The following YAE1 variants were observed in gnomAD, a reference collection of about 807,000 sequenced individuals.
YAE1 encodes the protein YAE1 maturation factor of ABCE1.
A neutral mutation model predicts 23.0 loss-of-function variants in YAE1; 22 were observed. The observed-to-expected ratio is 0.96, with a 90% CI of 0.68 to 1.37. The LOEUF is 1.37. Ranked by LOEUF, YAE1 falls within the 40% of genes most tolerant of loss-of-function variation. The probability of loss-of-function intolerance (pLI) is 0.00; values close to 1 mark genes in which losing one functional copy is unlikely to be tolerated. For missense variants in YAE1, 260 were observed against 262.1 expected (o/e 0.99, Z 0.06); for synonymous variants, 101 against 97.0 (o/e 1.04, Z -0.24).
chr7:39,608,125 T>A (rs1583687612), intron 2 of YAE1, among the ~76,000 whole-genome samples: 1 of 152,218 alleles, frequency 6.6e-6, no homozygotes, highest in African/African-American at 2.4e-5. Context: ...AGGAAACTAC[T>A]GAATAACCCT....
At chr7:39,589,809 C>T (rs897209933) in intron 2 of YAE1, among the ~76,000 whole-genome samples, 4 of 152,152 alleles carry the variant, frequency 2.6e-5, no homozygotes, top group Non-Finnish European at 5.9e-5. Context: ...TGCAGCAAGA[C>T]CAAAGGAGCT....
chr7:39,574,773 T>G (rs868106510), downstream of YAE1, among the ~76,000 whole-genome samples: 35 of 150,530 alleles, frequency 2.3e-4, no homozygotes, highest in Admixed American at 1.2e-3. Flanking sequence ...GCCATGGTGT[T>G]AAGTCCCTGT....
At chr7:39,569,117 TAAACAA>T (rs1296453204) in intron 1 of YAE1, among the ~76,000 whole-genome samples, 2 of 152,212 alleles carry the variant, frequency 1.3e-5, no homozygotes, top group Non-Finnish European at 2.9e-5. Flanking sequence ...AGGTTATTAT[TAAACAA>T]ATATACATAA....
At chr7:39,600,201 AC>A (rs1471204308) in intron 2 of YAE1, among the ~76,000 whole-genome samples, 1 of 152,134 alleles carries the variant, frequency 6.6e-6, no homozygotes, top group African/African-American at 2.4e-5. Flanking sequence ...ATAAAACATA[AC>A]TTTGATTATA....
chr7:39,575,898 A>G (rs1428370367), downstream of YAE1, among the ~76,000 whole-genome samples: 1 of 152,138 alleles, frequency 6.6e-6, no homozygotes, highest in African/African-American at 2.4e-5. Context: ...TGAACAATTC[A>G]CTGCTTATAC....
At chr7:39,594,586 C>T (rs943943453) in intron 2 of YAE1, among the ~76,000 whole-genome samples, 1 of 151,474 alleles carries the variant, frequency 6.6e-6, no homozygotes, top group Non-Finnish European at 1.5e-5. Flanking sequence ...GCTACTCTCC[C>T]ATTAATGGAA....
chr7:39,598,671 T>C (rs368576549), intron 2 of YAE1, among the ~76,000 whole-genome samples: 2 of 150,260 alleles, frequency 1.3e-5, no homozygotes, highest in East Asian at 4.0e-4. Flanking sequence ...CAGCTACTTG[T>C]GGGGCTAAGG....
intron 1 of YAE1, chr7:39,569,843 A>T (rs73375667): frequency 0.1 from 85,895 of 832,270 alleles, 5,617 homozygotes; most frequent in African/African-American, 0.25. Flanking sequence ...AGTCCTTCTG[A>T]GTCCTTGGAC....
intron 2 of YAE1, among the ~76,000 whole-genome samples, chr7:39,605,390 G>T (rs1212716266): frequency 2.0e-5 from 3 of 152,224 alleles, no homozygotes; most frequent in Non-Finnish European, 2.9e-5. Context: ...ATTGAATAAA[G>T]CAAGTTGTCC....
intron 2 of YAE1, among the ~76,000 whole-genome samples, chr7:39,600,317 A>G (rs1791037271): frequency 6.6e-6 from 1 of 152,214 alleles, no homozygotes; most frequent in Non-Finnish European, 1.5e-5. Flanking sequence ...TGATATAATT[A>G]AGGTAAGGTC....
downstream of YAE1, among the ~76,000 whole-genome samples, chr7:39,574,641 A>G (rs1385290986): frequency 6.6e-6 from 1 of 151,412 alleles, no homozygotes; most frequent in Non-Finnish European, 1.5e-5. Context: ...GCTGAGGCAC[A>G]AGGATTGCTT....
In YAE1 at chr7:39,570,548, C is replaced by T. The variant is rs778649924; in HGVS notation, c.172C>T (p.Leu58Phe). 1 of 1,611,778 alleles carries T rather than the reference C, an allele frequency of 6.2e-7. No homozygotes were observed. Among genetic ancestry groups the T allele is most frequent in the Non-Finnish European group, 8.5e-7 (1 of 1,179,604 alleles). The change falls in exon 2 of 3, where the codon CTT becomes TTT. Residue 58 changes from leucine to phenylalanine, a missense_variant. Leu to Phe is a conservative substitution (Grantham distance 22, BLOSUM62 0). Transcript: ENST00000223273. ...DGIDAGKAVTLQQGFNQGYKK... is the reference protein window; with the variant it reads ...DGIDAGKAVTFQQGFNQGYKK... The stretch of plus-strand genomic sequence containing the variant: ...AATAGATGCTGGCAAAGCAGTTACT[C>T]TTCAACAGGGCTTCAATCAAGGTTA...
At chr7:39,609,761 G>T (rs1291204027) in exon 3 of YAE1, 1 of 1,534,784 alleles carries the variant, frequency 6.5e-7, no homozygotes, top group African/African-American at 1.4e-5. Flanking sequence ...AGCTCGAGGC[G>T]ACGCTGCTGA....
Position 39,586,419 on chromosome 7 carries a change from G to A in YAE1, c.251+15792G>A, listed in dbSNP as rs373257060. Among the ~76,000 whole-genome samples, 20 of 149,028 alleles carry A rather than the reference G, an allele frequency of 1.3e-4. No individual in the cohort carries two copies. In the East Asian group the frequency reaches 4.1e-3, roughly 30 times the overall value. On this transcript the variant is annotated intron_variant, in intron 2 of 2. Coordinates refer to the YAE1 transcript ENST00000432096. ...AATCTCCTGACCTGGTGATCCGCCC[G>A]CCTCAGCCTCCCAAAGTGCTGGGAT...
At chr7:39,600,009 A>T (rs1049699071) in intron 2 of YAE1, among the ~76,000 whole-genome samples, 1 of 152,234 alleles carries the variant, frequency 6.6e-6, no homozygotes, top group Non-Finnish European at 1.5e-5. Context: ...TTAAACATTG[A>T]TAGTCCCCTT....
At chr7:39,597,512 A>T (rs1167816910) in intron 2 of YAE1, among the ~76,000 whole-genome samples, 1 of 152,238 alleles carries the variant, frequency 6.6e-6, no homozygotes, top group Admixed American at 6.5e-5. Context: ...CGCTGGTCTC[A>T]GTTATTACAT....
chr7:39,588,821 G>T (rs149650700), intron 2 of YAE1, among the ~76,000 whole-genome samples: 1 of 149,608 alleles, frequency 6.7e-6, no homozygotes, highest in Non-Finnish European at 1.5e-5. Context: ...ATAATTTTAG[G>T]TTTTTTTTTT....
At chr7:39,593,177 C>CTTTTGTTTTTTT (rs1790925063) in intron 2 of YAE1, among the ~76,000 whole-genome samples, 1 of 72,112 alleles carries the variant, frequency 1.4e-5, no homozygotes, top group Non-Finnish European at 2.3e-5. Context: ...TTGGTTATTT[C>CTTTTGTTTTTTT]TTTTTTTTTT....
downstream of YAE1, among the ~76,000 whole-genome samples, chr7:39,575,499 GC>G (rs1484087985): frequency 6.6e-6 from 1 of 150,702 alleles, no homozygotes; most frequent in Non-Finnish European, 1.5e-5. Context: ...TAAGGTTAGA[GC>G]TTAGTTCTTA....
Sources: gnomAD v4.1 joint callset for allele counts (sites outside exome capture counted in the v4.1 genomes callset) on GRCh38, gnomAD v4.1.1 for gene constraint, MANE v1.5 for transcripts, NCBI Gene and HGNC (gene_info 2026-07-23, HGNC 2026-07-21) for gene names.